INSL6: variants seen among roughly 807,000 people sequenced by gnomAD.
The protein encoded by INSL6 is insulin-like peptide INSL6.
In INSL6, 16 loss-of-function variants were observed where a neutral mutation model predicts 9.4. The ratio of observed to expected loss-of-function variants is 1.70; its 90% confidence interval spans 1.15 to 2.59. INSL6 has a LOEUF of 2.59. INSL6 is among the 30% of genes most tolerant of loss of function. The probability of loss-of-function intolerance (pLI) is 0.00; values close to 1 mark genes in which losing one functional copy is unlikely to be tolerated. For synonymous variants in INSL6, 154 were observed against 96.9 expected, an observed-to-expected ratio of 1.59 and a Z score of -3.46; for missense variants, 391 against 257.3, an observed-to-expected ratio of 1.52 and a Z score of -3.56.
downstream of INSL6, among the ~76,000 whole-genome samples, chr9:5,160,105 G>A (rs1352711112): frequency 1.3e-5 from 2 of 151,024 alleles, no homozygotes; most frequent in African/African-American, 4.9e-5. Context: ...GAACCCGGGG[G>A]ATGGAGGTTG....
At chr9:5,109,319 A>C in the INSL6 span, 1 of 152,188 alleles carries the variant, frequency 6.6e-6, no homozygotes, top group Non-Finnish European at 1.5e-5. Flanking sequence ...CCAAAACATT[A>C]AATTGTGGAT....
At chr9:5,185,234 A>C in intron 1 of INSL6, 80 bp downstream of exon 1, 1 of 1,555,868 alleles carries the variant, frequency 6.4e-7, no homozygotes, top group Non-Finnish European at 8.9e-7. Context: ...TTCCTGGGGA[A>C]GCTCACCTTC....
intron 2 of INSL6, among the ~76,000 whole-genome samples, chr9:5,150,627 A>C (rs1323014711): frequency 6.6e-6 from 1 of 152,176 alleles, no homozygotes; most frequent in African/African-American, 2.4e-5. Context: ...TTTGGAATGT[A>C]AGTTAGTACA....
At chr9:5,152,267 T>C (rs1586864578) in intron 2 of INSL6, among the ~76,000 whole-genome samples, 2 of 152,058 alleles carry the variant, frequency 1.3e-5, no homozygotes, top group South Asian at 2.1e-4. Flanking sequence ...CATCAAAAAA[T>C]AGCAGAATAC....
chr9:5,176,781 T>C (rs919991849), intron 1 of INSL6, among the ~76,000 whole-genome samples: 1 of 151,290 alleles, frequency 6.6e-6, no homozygotes, highest in African/African-American at 2.4e-5. Context: ...TTTCAAGTGA[T>C]AAAAAACCTA....
the INSL6 span, among the ~76,000 whole-genome samples, chr9:5,008,330 G>C: frequency 6.6e-6 from 1 of 152,156 alleles, no homozygotes; most frequent in African/African-American, 2.4e-5. Context: ...AAATATTCCA[G>C]CTTCATTTGA....
At chr9:5,130,951 G>C (rs541168233) in intron 3 of INSL6, among the ~76,000 whole-genome samples, 1 of 151,084 alleles carries the variant, frequency 6.6e-6, no homozygotes, top group Non-Finnish European at 1.5e-5. Flanking sequence ...GGATGGTCTC[G>C]ATCTCCTGAC....
At chr9:5,172,547 T>C (rs1422308983) in intron 1 of INSL6, among the ~76,000 whole-genome samples, 2 of 152,176 alleles carry the variant, frequency 1.3e-5, no homozygotes, top group Admixed American at 6.5e-5. Context: ...GAGGAAATTT[T>C]TGCAATCTAT....
chr9:5,155,525 T>TA (rs1824798143), intron 2 of INSL6, among the ~76,000 whole-genome samples: 1 of 131,766 alleles, frequency 7.6e-6, no homozygotes, highest in African/African-American at 3.3e-5. Context: ...ATAGAACTAC[T>TA]AAATAAAAAA....
intron 3 of INSL6, chr9:5,125,959 AT>A (rs1381408221): frequency 6.5e-6 from 1 of 154,636 alleles, no homozygotes; most frequent in African/African-American, 2.4e-5. Context: ...TGTTGTATTT[AT>A]GCTTATTCAT....
the INSL6 span, among the ~76,000 whole-genome samples, chr9:5,118,625 C>G: frequency 6.6e-6 from 1 of 152,118 alleles, no homozygotes; most frequent in African/African-American, 2.4e-5. Flanking sequence ...CAAGATTAAG[C>G]ATAAATTCTG....
rs1217304771 is a variant in INSL6, at chr9:5,185,588, G to A, written c.15C>T (p.Leu5=). 3 of 1,612,764 alleles carry A rather than the reference G, an allele frequency of 1.9e-6. No individual in the cohort carries two copies. Among genetic ancestry groups the A allele is most frequent in the Non-Finnish European group, 1.7e-6 (2 of 1,179,804 alleles). Residue 5 remains leucine (L), a synonymous_variant, in exon 1 of 2, where the codon CTC becomes CTT. Transcript: ENST00000381641. MPRL[L]RLSLLWLGLL... is the part of the protein sequence containing the mutation. ...GTCCAAGCCACAGCAGGGACAAGCG[G>A]AGGAGCCGCGGCATCCCTGTGACCC...
chr9:5,117,559 G>A, the INSL6 span, among the ~76,000 whole-genome samples: 1 of 152,034 alleles, frequency 6.6e-6, no homozygotes, highest in Non-Finnish European at 1.5e-5. Context: ...ACATTGAAGA[G>A]ACTTGCAAAA....
At chr9:5,076,828 T>G in the INSL6 span, among the ~76,000 whole-genome samples, 1 of 152,126 alleles carries the variant, frequency 6.6e-6, no homozygotes, top group African/African-American at 2.4e-5. Flanking sequence ...AAAGCAGTGG[T>G]TTGGAACCTG....
At chr9:5,055,000 G>A in the INSL6 span, 1 of 738,084 alleles carries the variant, frequency 1.4e-6, no homozygotes, top group Non-Finnish European at 2.1e-6. This position sits in a 1 kb window ranked among gnomAD's most constrained non-coding sequence, Gnocchi z 4.9. Flanking sequence ...TGATAGAAGT[G>A]GAAGTTTTTA....
the INSL6 span, among the ~76,000 whole-genome samples, chr9:5,093,479 AATCTGACCT>A: frequency 1.3e-5 from 2 of 152,172 alleles, no homozygotes; most frequent in East Asian, 3.8e-4. Flanking sequence ...TAATCAGTAG[AATCTGACCT>A]ATTGGTGAAG....
downstream of INSL6, among the ~76,000 whole-genome samples, chr9:5,159,086 TATAAG>T (rs1157882156): frequency 6.6e-6 from 1 of 152,132 alleles, no homozygotes; most frequent in African/African-American, 2.4e-5. Flanking sequence ...AGTAATGGAT[TATAAG>T]ATATTATTTG....
At chr9:5,161,801 T>C (rs1824932924), downstream of INSL6, among the ~76,000 whole-genome samples, 1 of 151,842 alleles carries the variant, frequency 6.6e-6, no homozygotes, top group Non-Finnish European at 1.5e-5. Flanking sequence ...GAGCAAACAA[T>C]CTGAAAAAGA....
At chr9:5,008,362 T>G in the INSL6 span, among the ~76,000 whole-genome samples, 1 of 152,202 alleles carries the variant, frequency 6.6e-6, no homozygotes, top group African/African-American at 2.4e-5. Context: ...ATTCTTCAGT[T>G]GTTAGGTGTT....
Sources: gnomAD v4.1 joint callset for allele counts (sites outside exome capture counted in the v4.1 genomes callset) on GRCh38, gnomAD v4.1.1 for gene constraint, Gnocchi (gnomAD v3.1) non-coding constraint, MANE v1.5 for transcripts, NCBI Gene and HGNC (gene_info 2026-07-23, HGNC 2026-07-21) for gene names.